ARB2A: variants seen among roughly 807,000 people sequenced by gnomAD.
ARB2A encodes the protein cotranscriptional regulator ARB2A.
At chr5:93,830,311 GTATATATATATATATA>G in the ARB2A span, among the ~76,000 whole-genome samples, 40 of 82,260 alleles carry the variant, frequency 4.9e-4, 1 homozygote, top group Admixed American at 1.7e-3. Flanking sequence ...GTGTGTGTGT[GTATATATATATATATA>G]TATATATATA....
chr5:93,888,000 A>C, the ARB2A span, among the ~76,000 whole-genome samples: 1 of 151,874 alleles, frequency 6.6e-6, no homozygotes, highest in South Asian at 2.1e-4. Flanking sequence ...GGATATATTG[A>C]CAAACACACA....
At chr5:93,755,956 C>T in the ARB2A span, among the ~76,000 whole-genome samples, 1 of 152,184 alleles carries the variant, frequency 6.6e-6, no homozygotes, top group Admixed American at 6.5e-5. Flanking sequence ...ACTTTTGCAG[C>T]TGGGAGGCGA....
At chr5:93,800,160 A>C in the ARB2A span, among the ~76,000 whole-genome samples, 1 of 152,064 alleles carries the variant, frequency 6.6e-6, no homozygotes, top group African/African-American at 2.4e-5. Context: ...GGTATTTAAA[A>C]ATTTTATTTA....
chr5:93,832,014 A>C, the ARB2A span, among the ~76,000 whole-genome samples: 1 of 152,182 alleles, frequency 6.6e-6, no homozygotes, highest in South Asian at 2.1e-4. Flanking sequence ...TTATAGGCTC[A>C]ACTAAACCAT....
the ARB2A span, among the ~76,000 whole-genome samples, chr5:93,902,697 A>T: frequency 6.6e-6 from 1 of 152,144 alleles, no homozygotes; most frequent in African/African-American, 2.4e-5. Flanking sequence ...TTTCGTGAAA[A>T]GATAATTTTT....
At chr5:93,725,091 G>C in the ARB2A span, among the ~76,000 whole-genome samples, 2 of 151,908 alleles carry the variant, frequency 1.3e-5, no homozygotes, top group East Asian at 1.9e-4. Flanking sequence ...TAAAACTTAA[G>C]AATTGTTTAT....
the ARB2A span, among the ~76,000 whole-genome samples, chr5:93,754,471 T>G: frequency 6.6e-6 from 1 of 152,092 alleles, no homozygotes; most frequent in Non-Finnish European, 1.5e-5. Flanking sequence ...GGGAGCACAT[T>G]TGGAGGGGGC....
chr5:93,706,509 A>G, the ARB2A span, among the ~76,000 whole-genome samples: 1 of 152,210 alleles, frequency 6.6e-6, no homozygotes, highest in Non-Finnish European at 1.5e-5. Flanking sequence ...ACTGGAAATT[A>G]CTGAACTGTG....
At chr5:93,946,199 C>T in the ARB2A span, among the ~76,000 whole-genome samples, 1 of 151,696 alleles carries the variant, frequency 6.6e-6, no homozygotes, top group Non-Finnish European at 1.5e-5. Flanking sequence ...CTGTATCTAA[C>T]AATACAGGAA....
At chr5:93,805,646 G>A in the ARB2A span, 1 of 985,130 alleles carries the variant, frequency 1.0e-6, no homozygotes, top group African/African-American at 1.7e-5. Flanking sequence ...GTCCATACAA[G>A]AAGCTGATTA....
chr5:93,747,773 G>T, the ARB2A span, among the ~76,000 whole-genome samples: 2 of 152,080 alleles, frequency 1.3e-5, no homozygotes, highest in African/African-American at 4.8e-5. Context: ...GCAGATGAAG[G>T]TTTCATCTTC....
the ARB2A span, chr5:93,741,286 C>T: frequency 1.9e-6 from 3 of 1,613,716 alleles, no homozygotes; most frequent in East Asian, 2.2e-5. Context: ...GGAGGGGCGT[C>T]GCAACCAGTC....
At chr5:93,779,736 A>C in the ARB2A span, among the ~76,000 whole-genome samples, 1 of 152,334 alleles carries the variant, frequency 6.6e-6, no homozygotes, top group East Asian at 1.9e-4. Flanking sequence ...AGAGAAAAAT[A>C]GGTAATGTAG....
At chr5:93,985,707 A>C in the ARB2A span, among the ~76,000 whole-genome samples, 2 of 152,116 alleles carry the variant, frequency 1.3e-5, no homozygotes, top group Non-Finnish European at 2.9e-5. Flanking sequence ...TTGCAGACGG[A>C]GTCTCGCTCA....
At chr5:93,636,450 C>T in the ARB2A span, among the ~76,000 whole-genome samples, 10 of 152,190 alleles carry the variant, frequency 6.6e-5, no homozygotes, top group African/African-American at 2.4e-4. Context: ...AGTGGAATTA[C>T]TGCCCTTATA....
the ARB2A span, among the ~76,000 whole-genome samples, chr5:93,622,261 C>T: frequency 6.6e-6 from 1 of 152,152 alleles, no homozygotes; most frequent in Non-Finnish European, 1.5e-5. Context: ...CTTCCTAGAT[C>T]ACTCAATTAT....
At chr5:93,737,967 A>T in the ARB2A span, 1 of 434,816 alleles carries the variant, frequency 2.3e-6, no homozygotes, top group Non-Finnish European at 4.5e-6. Context: ...AAAATGGATA[A>T]GCTGGACTTA....
At chr5:93,960,275 A>G in the ARB2A span, among the ~76,000 whole-genome samples, 1 of 152,298 alleles carries the variant, frequency 6.6e-6, no homozygotes, top group South Asian at 2.1e-4. Context: ...CAAGAGCAGC[A>G]TGGACACAGG....
chr5:93,970,515 A>G, the ARB2A span, among the ~76,000 whole-genome samples: 1 of 152,214 alleles, frequency 6.6e-6, no homozygotes, highest in Non-Finnish European at 1.5e-5. Context: ...AAAATATTTT[A>G]AAATAAACCA....
Sources: allele counts gnomAD v4.1 joint callset (sites outside exome capture counted in the v4.1 genomes callset), GRCh38; gene constraint gnomAD v4.1.1; transcripts MANE v1.5; gene names NCBI Gene and HGNC (gene_info 2026-07-23, HGNC 2026-07-21).